AOPEP: variants seen among roughly 807,000 people sequenced by gnomAD.
AOPEP encodes the protein aminopeptidase O (putative).
Under a neutral mutation model 98.1 loss-of-function variants are expected in AOPEP, and 77 were observed. That is an observed-to-expected ratio of 0.78 (90% confidence interval 0.65 to 0.95). The LOEUF (loss-of-function observed/expected upper bound fraction) is 0.95. Ranked by LOEUF, AOPEP falls within the 40% of genes least tolerant of loss-of-function variation. AOPEP has a pLI of 0.00. For missense variants in AOPEP, 1,024 were observed against 1,024.7 expected, an observed-to-expected ratio of 1.00 and a Z score of 0.01; for synonymous variants, 346 against 365.3, an observed-to-expected ratio of 0.95 and a Z score of 0.60.
intron 7 of AOPEP, among the ~76,000 whole-genome samples, chr9:94,937,489 A>G (rs2056444653): frequency 6.6e-6 from 1 of 152,116 alleles, no homozygotes; most frequent in African/African-American, 2.4e-5. Context: ...CAACTGCCCT[A>G]TCTCCAAAGA....
the AOPEP span, among the ~76,000 whole-genome samples, chr9:95,144,861 C>G: frequency 6.6e-6 from 1 of 152,302 alleles, no homozygotes; most frequent in South Asian, 2.1e-4. Context: ...CCGCGCCGCA[C>G]GTTCACAACG....
chr9:94,880,271 C>T (rs543526445), intron 5 of AOPEP, among the ~76,000 whole-genome samples: 5 of 152,104 alleles, frequency 3.3e-5, no homozygotes, highest in African/African-American at 9.6e-5. Flanking sequence ...AACTGGAGTC[C>T]CAATAGAAGT....
At chr9:94,899,093 C>A (rs915823453) in intron 5 of AOPEP, among the ~76,000 whole-genome samples, 1 of 151,106 alleles carries the variant, frequency 6.6e-6, no homozygotes, top group African/African-American at 2.4e-5. Context: ...ATTCGTAATA[C>A]CTTTTTAACA....
chr9:94,749,108 G>T, intron 1 of AOPEP, among the ~76,000 whole-genome samples: 1 of 152,124 alleles, frequency 6.6e-6, no homozygotes, highest in East Asian at 1.9e-4. Context: ...ATGATTATTT[G>T]TTCAACCAAT....
chr9:94,822,040 C>T (rs1434252265), intron 5 of AOPEP, among the ~76,000 whole-genome samples: 3 of 151,868 alleles, frequency 2.0e-5, no homozygotes, highest in South Asian at 2.1e-4. Context: ...TGACCCCGCT[C>T]GTGGCTGTGT....
At chr9:95,126,431 C>T in the AOPEP span, 7 of 1,194,880 alleles carry the variant, frequency 5.9e-6, no homozygotes, top group Admixed American at 1.8e-5. Flanking sequence ...CTAATTTCCC[C>T]ATGATACAGC....
At chr9:95,105,126 A>G in the AOPEP span, among the ~76,000 whole-genome samples, 1 of 152,156 alleles carries the variant, frequency 6.6e-6, no homozygotes, top group Non-Finnish European at 1.5e-5. Context: ...GCCCTGGGCC[A>G]CCCTCATGAC....
At chr9:95,019,765 C>G (rs2063311547) in intron 13 of AOPEP, 1 of 152,180 alleles carries the variant, frequency 6.6e-6, no homozygotes, top group Non-Finnish European at 1.5e-5. Context: ...TGGTGCTGCA[C>G]AGACCATCAG....
At chr9:94,846,081 G>A (rs2042828565) in intron 5 of AOPEP, among the ~76,000 whole-genome samples, 1 of 144,722 alleles carries the variant, frequency 6.9e-6, no homozygotes. Context: ...GGCGATGAGA[G>A]CGAGACTCCA....
At chr9:94,958,760 T>G (rs2058630336) in intron 9 of AOPEP, among the ~76,000 whole-genome samples, 1 of 152,252 alleles carries the variant, frequency 6.6e-6, no homozygotes, top group Non-Finnish European at 1.5e-5. Context: ...TTAAGACTAC[T>G]TTATTTGGAT....
intron 7 of AOPEP, among the ~76,000 whole-genome samples, chr9:94,948,345 C>T (rs910818936): frequency 2.6e-5 from 4 of 151,612 alleles, no homozygotes; most frequent in Admixed American, 1.3e-4. Context: ...TGCTCTCCAC[C>T]ACATCCATTC....
chr9:95,089,784 C>T (rs562824657), downstream of AOPEP, among the ~76,000 whole-genome samples: 1 of 152,352 alleles, frequency 6.6e-6, no homozygotes, highest in African/African-American at 2.4e-5. Context: ...CTCCCCGCGG[C>T]CGACCCATGG....
At chr9:95,109,428 G>A in the AOPEP span, among the ~76,000 whole-genome samples, 2 of 152,052 alleles carry the variant, frequency 1.3e-5, no homozygotes, top group African/African-American at 2.4e-5. Context: ...GGGTTAAAGG[G>A]TATGAACCCT....
intron 6 of AOPEP, among the ~76,000 whole-genome samples, chr9:94,926,681 C>T (rs1367718898): frequency 6.6e-6 from 1 of 152,040 alleles, no homozygotes; most frequent in Non-Finnish European, 1.5e-5. Flanking sequence ...TGCTCCTGGC[C>T]AGCAGGCCCC....
chr9:94,808,519 A>G (rs1239334268), intron 5 of AOPEP, among the ~76,000 whole-genome samples: 1 of 152,206 alleles, frequency 6.6e-6, no homozygotes, highest in Non-Finnish European at 1.5e-5. Flanking sequence ...AGAGTAGAAC[A>G]TGTTATATTT....
At chr9:94,933,648 G>A in intron 7 of AOPEP, 2 of 985,406 alleles carry the variant, frequency 2.0e-6, no homozygotes, top group Non-Finnish European at 2.4e-6. Flanking sequence ...CCTATCCATA[G>A]CCAAAATAAA....
chr9:94,989,451 G>T (rs758760597), intron 11 of AOPEP, among the ~76,000 whole-genome samples: 5 of 151,922 alleles, frequency 3.3e-5, no homozygotes, highest in African/African-American at 1.2e-4. Context: ...TGGCCAGGAT[G>T]GTCTCGATCT....
intron 11 of AOPEP, among the ~76,000 whole-genome samples, chr9:94,994,303 T>C (rs938612947): frequency 4.6e-5 from 7 of 152,188 alleles, no homozygotes; most frequent in African/African-American, 1.7e-4. Flanking sequence ...CTCTATAGAA[T>C]TGTAGTTTTT....
intron 10 of AOPEP, among the ~76,000 whole-genome samples, chr9:94,975,032 C>T (rs1205029941): frequency 6.6e-6 from 1 of 152,044 alleles, no homozygotes; most frequent in Non-Finnish European, 1.5e-5. Flanking sequence ...GAGTTTAAGA[C>T]CAGTTTGGGC....
Sources: gnomAD v4.1 joint callset for allele counts (sites outside exome capture counted in the v4.1 genomes callset) on GRCh38, gnomAD v4.1.1 for gene constraint, MANE v1.5 for transcripts, NCBI Gene and HGNC (gene_info 2026-07-23, HGNC 2026-07-21) for gene names.